Variants in LRRTM4 observed in about 807,000 individuals in gnomAD.
LRRTM4 encodes leucine rich repeat transmembrane neuronal 4.
A neutral mutation model predicts 47.6 loss-of-function variants in LRRTM4; 25 were observed. That is an observed-to-expected ratio of 0.53 (90% confidence interval 0.38 to 0.73). The LOEUF (loss-of-function observed/expected upper bound fraction) is 0.73. Ranked by LOEUF, LRRTM4 falls within the 30% of genes least tolerant of loss-of-function variation. The probability of loss-of-function intolerance (pLI) is 0.00; values close to 1 mark genes in which losing one functional copy is unlikely to be tolerated. For synonymous variants in LRRTM4, 311 were observed against 269.5 expected (o/e 1.15, Z -1.51); for missense variants, 638 against 713.4 (o/e 0.89, Z 1.20).
chr2:77,217,251 C>A (rs552495965), intron 3 of LRRTM4, among the ~76,000 whole-genome samples: 1 of 150,730 alleles, frequency 6.6e-6, no homozygotes, highest in East Asian at 2.0e-4. Flanking sequence ...TTTACCTAAT[C>A]TGTTTACTCT....
intron 3 of LRRTM4, among the ~76,000 whole-genome samples, chr2:77,165,310 G>A (rs555533981): frequency 1.3e-5 from 2 of 152,226 alleles, no homozygotes; most frequent in South Asian, 4.1e-4. Flanking sequence ...CTGAAATTGA[G>A]GCAATAATTA....
chr2:77,182,312 A>G (rs1673370336), intron 3 of LRRTM4, among the ~76,000 whole-genome samples: 1 of 152,152 alleles, frequency 6.6e-6, no homozygotes, highest in Admixed American at 6.6e-5. Context: ...TCAGCAAACT[A>G]AGACAGGAAC....
intron 3 of LRRTM4, among the ~76,000 whole-genome samples, chr2:76,791,195 A>T (rs1674951773): frequency 6.6e-6 from 1 of 152,160 alleles, no homozygotes; most frequent in Non-Finnish European, 1.5e-5. Flanking sequence ...TAGAGCTGGA[A>T]GTGATCCAGG....
intron 3 of LRRTM4, among the ~76,000 whole-genome samples, chr2:77,087,936 A>G (rs1680779623): frequency 6.6e-6 from 1 of 152,154 alleles, no homozygotes; most frequent in Non-Finnish European, 1.5e-5. Context: ...CTTTTTCCAG[A>G]GGCAAAAGAT....
intron 3 of LRRTM4, among the ~76,000 whole-genome samples, chr2:77,360,204 T>A (rs1208656340): frequency 6.6e-6 from 1 of 152,070 alleles, no homozygotes; most frequent in Non-Finnish European, 1.5e-5. Context: ...ACGCCTGTAA[T>A]CCCAGTACTA....
At chr2:76,832,634 A>C (rs182403759) in intron 3 of LRRTM4, among the ~76,000 whole-genome samples, 4 of 152,172 alleles carry the variant, frequency 2.6e-5, no homozygotes, top group Admixed American at 2.6e-4. Flanking sequence ...AAATGAGCTT[A>C]TCTCCATACC....
intron 3 of LRRTM4, among the ~76,000 whole-genome samples, chr2:77,074,694 T>C (rs1044620514): frequency 1.3e-5 from 2 of 152,140 alleles, no homozygotes; most frequent in African/African-American, 4.8e-5. Flanking sequence ...GAGAACTATT[T>C]AGAAATTAGT....
intron 3 of LRRTM4, among the ~76,000 whole-genome samples, chr2:77,027,757 T>A (rs1678504200): frequency 6.6e-6 from 1 of 152,160 alleles, no homozygotes; most frequent in African/African-American, 2.4e-5. Context: ...ATTACAAATA[T>A]CAAGACATTT....
Position 77,417,876 on chromosome 2 carries a change from C to T in LRRTM4, c.1551+100442G>A, listed in dbSNP as rs200560254. Among the ~76,000 whole-genome samples, 132 of 152,044 alleles carry T rather than the reference C, an allele frequency of 8.7e-4. No individual in the cohort carries two copies. In the East Asian group the frequency reaches 0.01, roughly 12 times the overall value. ...TGTATACATATGTAACAAACCTGCACGTTGTGCACATGTACCCTAAAACTT... is the reference window on the plus strand; with the variant it reads ...TGTATACATATGTAACAAACCTGCATGTTGTGCACATGTACCCTAAAACTT... On this transcript the variant is annotated intron_variant, in intron 3 of 3. Transcript: ENST00000409884.
chr2:77,090,553 A>C (rs1023475095), intron 3 of LRRTM4, among the ~76,000 whole-genome samples: 8 of 152,164 alleles, frequency 5.3e-5, no homozygotes, highest in African/African-American at 1.4e-4. Flanking sequence ...CCACTATGAG[A>C]CAAACCCCAG....
rs190488726 is a variant in LRRTM4, at chr2:77,357,032, C to A, written c.1551+161286G>T. Among the ~76,000 whole-genome samples, 814 of 152,028 alleles carry A rather than the reference C, an allele frequency of 5.4e-3. 1 individual carries two copies. Among genetic ancestry groups the A allele is most frequent in the Non-Finnish European group, 0.01 (694 of 67,984 alleles). ...ATGGCATCCTAAGTTATTAGTGATTCAAAATAATACCTAGATACTATACTT... is the reference window on the plus strand; with the variant it reads ...ATGGCATCCTAAGTTATTAGTGATTAAAAATAATACCTAGATACTATACTT... On this transcript the variant is annotated intron_variant, in intron 3 of 3. Transcript: ENST00000409884.
intron 3 of LRRTM4, among the ~76,000 whole-genome samples, chr2:77,034,567 TCA>T (rs917610445): frequency 6.6e-6 from 1 of 151,918 alleles, no homozygotes; most frequent in South Asian, 2.1e-4. Context: ...TCTGGATTTC[TCA>T]CAGTCTGGAG....
chr2:77,065,884 C>G (rs373027245), intron 3 of LRRTM4, among the ~76,000 whole-genome samples: 6 of 152,120 alleles, frequency 3.9e-5, no homozygotes, highest in African/African-American at 1.4e-4. Flanking sequence ...CCTTATGTAT[C>G]TCACATGAAA....
chr2:76,894,934 G>T, intron 3 of LRRTM4, among the ~76,000 whole-genome samples: 1 of 150,266 alleles, frequency 6.7e-6, no homozygotes, highest in African/African-American at 2.4e-5. Context: ...AATAATTTAT[G>T]CATTATATTT....
At position 77,478,968 on chromosome 2, in the gene LRRTM4, C is replaced by T. The variant is rs148878309; in HGVS notation, c.1551+39350G>A. 2.5e-3 allele frequency among the ~76,000 whole-genome samples: 374 copies of T among 152,240 alleles called. 10 individuals are homozygous for T. In the East Asian group the frequency reaches 0.063, roughly 26 times the overall value. On this transcript the variant is annotated intron_variant, in intron 3 of 3. Coordinates refer to ENST00000409884, the MANE Select transcript of LRRTM4 (RefSeq NM_001134745.3). Reference sequence around the variant, plus strand: ...GGAGTGCAATGGTGCGATCTAGGCTCACTGCAACCTCCGCCTCCCGGGTTC... The same window carrying T: ...GGAGTGCAATGGTGCGATCTAGGCTTACTGCAACCTCCGCCTCCCGGGTTC...
intron 3 of LRRTM4, among the ~76,000 whole-genome samples, chr2:76,870,601 C>A (rs1484298510): frequency 6.6e-6 from 1 of 152,180 alleles, no homozygotes; most frequent in Non-Finnish European, 1.5e-5. Context: ...CACAGAGCAG[C>A]AGGCCTATAC....
At chr2:77,129,220 T>C (rs1211069384) in intron 3 of LRRTM4, among the ~76,000 whole-genome samples, 1 of 152,164 alleles carries the variant, frequency 6.6e-6, no homozygotes, top group Non-Finnish European at 1.5e-5. Flanking sequence ...GCGAGACCCA[T>C]TAGTTTTTTT....
intron 3 of LRRTM4, among the ~76,000 whole-genome samples, chr2:77,364,944 C>G (rs1367505470): frequency 1.3e-5 from 2 of 151,654 alleles, no homozygotes; most frequent in East Asian, 3.9e-4. Context: ...AATAAAACTT[C>G]CAAAACAAAC....
At chr2:77,220,665 A>C (rs948393390) in intron 3 of LRRTM4, among the ~76,000 whole-genome samples, 1 of 152,210 alleles carries the variant, frequency 6.6e-6, no homozygotes, top group Admixed American at 6.5e-5. Context: ...AAAAAGAATA[A>C]AAAGAAATCA....
Sources: gnomAD v4.1 joint callset for allele counts (sites outside exome capture counted in the v4.1 genomes callset) on GRCh38, gnomAD v4.1.1 for gene constraint, MANE v1.5 for transcripts, NCBI Gene and HGNC (gene_info 2026-07-23, HGNC 2026-07-21) for gene names.